Variants in RANBP17 observed in about 807,000 individuals in gnomAD.
The protein encoded by RANBP17 is ran-binding protein 17.
Under a neutral mutation model 141.2 loss-of-function variants are expected in RANBP17, and 158 were observed. The observed-to-expected ratio is 1.12, with a 90% confidence interval of 0.98 to 1.28. The LOEUF is 1.28. Among genes scored for constraint, RANBP17 ranks in the 50% most tolerant of loss-of-function variants. The pLI is 0.00. For synonymous variants in RANBP17, 430 were observed against 450.0 expected, an observed-to-expected ratio of 0.96 and a Z score of 0.56; for missense variants, 1,438 against 1,290.7, an observed-to-expected ratio of 1.11 and a Z score of -1.75.
At chr5:171,270,763 C>T (rs1261838884) in intron 25 of RANBP17, among the ~76,000 whole-genome samples, 1 of 152,134 alleles carries the variant, frequency 6.6e-6, no homozygotes, top group Non-Finnish European at 1.5e-5. Context: ...GAATAAGACA[C>T]TGATCCTGAA....
chr5:171,004,527 G>A (rs1199755089), intron 14 of RANBP17, among the ~76,000 whole-genome samples: 1 of 152,086 alleles, frequency 6.6e-6, no homozygotes, highest in African/African-American at 2.4e-5. Context: ...AGAAGGTAAT[G>A]TGGAGTGGGT....
chr5:171,249,194 T>G (rs926544252), intron 24 of RANBP17, among the ~76,000 whole-genome samples: 15 of 152,116 alleles, frequency 9.9e-5, no homozygotes, highest in Admixed American at 2.0e-4. Context: ...GAAATAATAC[T>G]ACACTACTAT....
rs1772733425 is a variant in RANBP17, at chr5:170,924,343, T to C, written c.1275-14T>C. 1.3e-6 allele frequency: 2 copies of C among 1,525,668 alleles called. No homozygotes were observed. Among genetic ancestry groups the C allele is most frequent in the East Asian group, 2.3e-5 (1 of 43,632 alleles). 94.5% of individuals were successfully genotyped at this position (1,525,668 alleles called of 1,614,324 possible). On this transcript the variant is annotated splice_polypyrimidine_tract_variant and intron_variant, in intron 11 of 27. Transcript: ENST00000523189. The stretch of plus-strand genomic sequence containing the variant: ...CATTCTAATGTTGTCTGCAAACTTA[T>C]TCTGTGTTTGCAGAGATCACTTAGA...
At chr5:171,098,499 G>A (rs1446717942) in intron 14 of RANBP17, among the ~76,000 whole-genome samples, 3 of 151,964 alleles carry the variant, frequency 2.0e-5, no homozygotes, top group African/African-American at 7.3e-5. Flanking sequence ...TTTTTTTCTT[G>A]TAAATTTGTT....
At chr5:171,050,290 A>G (rs1782872312) in intron 14 of RANBP17, among the ~76,000 whole-genome samples, 1 of 152,204 alleles carries the variant, frequency 6.6e-6, no homozygotes, top group African/African-American at 2.4e-5. Context: ...GAAATTATAC[A>G]TATTCAACTT....
rs1412735632 is a variant in RANBP17 at position 170,914,187 on chromosome 5, T to A, written c.781T>A (p.Leu261Met). The change falls in exon 8 of 28, where the codon TTG (leucine) becomes ATG (methionine). Residue 261 changes from leucine (L) to methionine (M), a missense_variant. Physicochemically the swap from Leu to Met is conservative, Grantham distance 15. Coordinates refer to ENST00000523189, the MANE Select transcript of RANBP17 (RefSeq NM_022897.5). ...WRTIFLEPET[L>M]DLFFNLYHSL... ...CCCAGTTTTCCTGGAACCAGAAACATTGGATCTTTTCTTCAATTTGTATCA... is the reference window on the plus strand; with the variant it reads ...CCCAGTTTTCCTGGAACCAGAAACAATGGATCTTTTCTTCAATTTGTATCA... 6.2e-7 allele frequency: 1 copy of A among 1,608,554 alleles called. No individual in the cohort carries two copies. The highest frequency in any genetic ancestry group is 1.3e-5 in the African/African-American group (1 of 74,794).
chr5:170,872,721 G>C (rs1175111498), intron 1 of RANBP17, among the ~76,000 whole-genome samples: 2 of 151,944 alleles, frequency 1.3e-5, no homozygotes, highest in African/African-American at 4.8e-5. Flanking sequence ...TAACATGCAG[G>C]GTTGTTGAAT....
chr5:171,213,641 T>C lies in RANBP17; in HGVS notation c.2242T>C (p.Tyr748His). ...TMLFDWMYPTYLPLLQNAVER... is the reference protein window; with the variant it reads ...TMLFDWMYPTHLPLLQNAVER... ...CAGGCTTTATAAAAGGTACCCAACGTACCTTCCCCTTCTTCAGAATGCTGT... is the reference window on the plus strand; with the variant it reads ...CAGGCTTTATAAAAGGTACCCAACGCACCTTCCCCTTCTTCAGAATGCTGT... Residue 748 changes from tyrosine (Y) to histidine (H), a missense_variant, in exon 21 of 28, where the codon TAC becomes CAC. By Grantham distance (83) the Tyr-to-His change is moderately conservative (BLOSUM62 2). Transcript: ENST00000523189. 1 of 1,613,110 alleles carries C rather than the reference T, an allele frequency of 6.2e-7. No individual in the cohort carries two copies. The highest frequency in any genetic ancestry group is 8.5e-7 in the Non-Finnish European group (1 of 1,179,130).
intron 5 of RANBP17, among the ~76,000 whole-genome samples, chr5:170,908,464 G>C (rs1186076645): frequency 6.6e-6 from 1 of 151,456 alleles, no homozygotes; most frequent in Non-Finnish European, 1.5e-5. Context: ...TTAAACACTA[G>C]ATACTTGTGG....
At chr5:171,155,094 A>AAAAAAAAAAAATAT (rs34090443) in intron 14 of RANBP17, among the ~76,000 whole-genome samples, 4 of 74,966 alleles carry the variant, frequency 5.3e-5, no homozygotes, top group African/African-American at 1.0e-4. Context: ...AAAAAAAAAA[A>AAAAAAAAAAAATAT]ATATATATAT....
chr5:171,019,907 A>AT (rs1285927427), intron 14 of RANBP17, among the ~76,000 whole-genome samples: 2 of 152,162 alleles, frequency 1.3e-5, no homozygotes, highest in Non-Finnish European at 2.9e-5. Context: ...TGATATGGGC[A>AT]TTTAGTGCTA....
At chr5:171,170,688 A>G (rs1760037672) in intron 15 of RANBP17, among the ~76,000 whole-genome samples, 1 of 152,152 alleles carries the variant, frequency 6.6e-6, no homozygotes, top group Non-Finnish European at 1.5e-5. Flanking sequence ...ACTAGTTTCT[A>G]GTCATAACTT....
chr5:171,277,446 C>T (rs1042025534), intron 25 of RANBP17, among the ~76,000 whole-genome samples: 4 of 151,148 alleles, frequency 2.6e-5, no homozygotes, highest in African/African-American at 9.7e-5. Flanking sequence ...AAGACCTAAG[C>T]ATTTCCTTCA....
intron 11 of RANBP17, among the ~76,000 whole-genome samples, chr5:170,920,283 A>C (rs1581147525): frequency 6.6e-6 from 1 of 152,140 alleles, no homozygotes; most frequent in Admixed American, 6.5e-5. Flanking sequence ...TCCCGCTCAC[A>C]ATGTATGAAA....
At chr5:170,875,805 A>G (rs760100986) in intron 1 of RANBP17, among the ~76,000 whole-genome samples, 1 of 152,102 alleles carries the variant, frequency 6.6e-6, no homozygotes, top group Non-Finnish European at 1.5e-5. Flanking sequence ...AGGTGTTGCT[A>G]TCATTTGGAG....
chr5:171,091,450 T>G (rs1409935331), intron 14 of RANBP17, among the ~76,000 whole-genome samples: 1 of 152,190 alleles, frequency 6.6e-6, no homozygotes, highest in Non-Finnish European at 1.5e-5. Flanking sequence ...AAGGGTCTTG[T>G]CTCCTCTTGG....
intron 14 of RANBP17, among the ~76,000 whole-genome samples, chr5:171,141,000 A>G (rs1185881325): frequency 6.6e-6 from 1 of 152,198 alleles, no homozygotes; most frequent in Non-Finnish European, 1.5e-5. Flanking sequence ...CTGTTTGATC[A>G]TATCAGGACA....
At chr5:170,951,684 A>T (rs1169481809) in intron 12 of RANBP17, among the ~76,000 whole-genome samples, 1 of 152,100 alleles carries the variant, frequency 6.6e-6, no homozygotes, top group Non-Finnish European at 1.5e-5. Flanking sequence ...TTACTAAAAA[A>T]CATTGAATTA....
chr5:171,285,769 C>G (rs1768137520), intron 25 of RANBP17, among the ~76,000 whole-genome samples: 1 of 152,130 alleles, frequency 6.6e-6, no homozygotes, highest in Non-Finnish European at 1.5e-5. Context: ...TGCTGTTGCT[C>G]CACAGTACAT....
Sources: gnomAD v4.1 joint callset for allele counts (sites outside exome capture counted in the v4.1 genomes callset) on GRCh38, gnomAD v4.1.1 for gene constraint, MANE v1.5 for transcripts, NCBI Gene and HGNC (gene_info 2026-07-23, HGNC 2026-07-21) for gene names.